SNTG2: variants seen among roughly 807,000 people sequenced by gnomAD.
SNTG2 encodes syntrophin gamma 2, also known as gamma-2-syntrophin.
In SNTG2, 74 loss-of-function variants were observed where a neutral mutation model predicts 70.9. That is an observed-to-expected ratio of 1.04 (90% CI 0.86 to 1.27). SNTG2 has a LOEUF of 1.27. Ranked by LOEUF, SNTG2 falls within the 50% of genes most tolerant of loss-of-function variation. SNTG2 has a pLI of 0.00. For missense variants in SNTG2, 717 were observed against 690.7 expected (o/e 1.04, Z -0.43); for synonymous variants, 278 against 273.8 (o/e 1.02, Z -0.15).
chr2:1,301,649 C>CATCA (rs1680459397), intron 14 of SNTG2, among the ~76,000 whole-genome samples: 2 of 152,320 alleles, frequency 1.3e-5, no homozygotes, highest in Admixed American at 1.3e-4. Flanking sequence ...GTGGCGTTCT[C>CATCA]ATCAGACACT....
intron 16 of SNTG2, among the ~76,000 whole-genome samples, chr2:1,334,667 T>C (rs1164918167): frequency 6.6e-6 from 1 of 152,196 alleles, no homozygotes; most frequent in Admixed American, 6.5e-5. Flanking sequence ...TGGAAGCCAT[T>C]ATTCTAAGTG....
intron 11 of SNTG2, among the ~76,000 whole-genome samples, chr2:1,241,376 C>T (rs144822814): frequency 9.8e-5 from 15 of 152,290 alleles, no homozygotes; most frequent in Non-Finnish European, 1.9e-4. Context: ...TTGGCCTTTA[C>T]GTGTTTCAGA....
intron 8 of SNTG2, 107 bp downstream of exon 8, chr2:1,173,290 AT>A: frequency 9.4e-7 from 1 of 1,061,944 alleles, no homozygotes; most frequent in Admixed American, 2.1e-5. Flanking sequence ...AGTGAAGATA[AT>A]TGTGTTAGTT....
chr2:971,599 G>A (rs1433200475), intron 1 of SNTG2, among the ~76,000 whole-genome samples: 1 of 151,438 alleles, frequency 6.6e-6, no homozygotes, highest in Non-Finnish European at 1.5e-5. Context: ...TTTTTAAAGA[G>A]CAAATTTGTG....
chr2:1,090,948 C>T (rs966890012), intron 2 of SNTG2, among the ~76,000 whole-genome samples: 4 of 152,200 alleles, frequency 2.6e-5, no homozygotes, highest in Non-Finnish European at 5.9e-5. Context: ...TACCGGGAGA[C>T]TGCCTTTTCC....
chr2:1,155,652 C>G (rs1270591158), intron 6 of SNTG2, among the ~76,000 whole-genome samples: 1 of 152,182 alleles, frequency 6.6e-6, no homozygotes, highest in Non-Finnish European at 1.5e-5. Flanking sequence ...AGACGGCCAC[C>G]TGCAAGTGCC....
intron 8 of SNTG2, among the ~76,000 whole-genome samples, chr2:1,186,070 A>G (rs762010002): frequency 2.0e-4 from 30 of 152,280 alleles, no homozygotes; most frequent in Non-Finnish European, 2.9e-4. Flanking sequence ...TGCTGCTCAG[A>G]AATTTCTTCC....
At chr2:1,056,345 G>A (rs185286724) in intron 1 of SNTG2, among the ~76,000 whole-genome samples, 1 of 64,624 alleles carries the variant, frequency 1.5e-5, no homozygotes. Context: ...GGAGGGAGAG[G>A]GCGGCGCCCC....
chr2:1,061,709 G>T (rs189201491), intron 1 of SNTG2, among the ~76,000 whole-genome samples: 22 of 152,122 alleles, frequency 1.4e-4, no homozygotes, highest in Non-Finnish European at 3.1e-4. Context: ...TCCAAGCCAG[G>T]CATCTCATGT....
chr2:1,272,266 G>A (rs1412083976), intron 14 of SNTG2, among the ~76,000 whole-genome samples: 1 of 151,684 alleles, frequency 6.6e-6, no homozygotes. Context: ...GACAGTGAAA[G>A]ATCCTCAGGC....
chr2:1,185,550 C>T (rs1016606855), intron 8 of SNTG2, among the ~76,000 whole-genome samples: 1 of 152,256 alleles, frequency 6.6e-6, no homozygotes, highest in African/African-American at 2.4e-5. Context: ...AACCTTGACT[C>T]TTGCCCTCTG....
rs570398477 is a variant in SNTG2 at position 1,348,118 on chromosome 2, T to C, written c.1489-19225T>C. Among the ~76,000 whole-genome samples the C allele has an allele frequency of 2.0e-5, 3 of 152,312 alleles. No individual in the cohort carries two copies. In the South Asian group the frequency reaches 6.2e-4, roughly 32 times the overall value. ...ATTAATTTAGCCTCAGATTCTTCCT[T>C]TAGGTTGACATTCCTATGGCAACAG... On this transcript the variant is annotated intron_variant, in intron 16 of 16. Coordinates refer to ENST00000308624, the MANE Select transcript of SNTG2 (RefSeq NM_018968.4).
At chr2:1,281,210 T>TGTATTGTGTG in intron 14 of SNTG2, among the ~76,000 whole-genome samples, 1 of 146,650 alleles carries the variant, frequency 6.8e-6, no homozygotes, top group Non-Finnish European at 1.5e-5. Flanking sequence ...TGGTGTGTGG[T>TGTATTGTGTG]GTGTGTGTGT....
intron 6 of SNTG2, among the ~76,000 whole-genome samples, chr2:1,157,813 C>T (rs773888897): frequency 6.6e-6 from 1 of 152,108 alleles, no homozygotes; most frequent in Non-Finnish European, 1.5e-5. Flanking sequence ...TCAGCCTGCC[C>T]CGCGGGTGAT....
At position 1,233,141 on chromosome 2, in the gene SNTG2, G is replaced by A. The variant is rs542628374; in HGVS notation, c.720-4747G>A. ...AAACTGGACAGCTTATTAAAAAGGC[G>A]ATTTACACATTTTGACTTTCTCCGG... On this transcript the variant is annotated intron_variant, in intron 9 of 16. Coordinates refer to ENST00000308624, the MANE Select transcript of SNTG2 (RefSeq NM_018968.4). Among the ~76,000 whole-genome samples the A allele has an allele frequency of 3.9e-4, 60 of 152,300 alleles. No individual in the cohort carries two copies. The South Asian group carries it at 0.012, about 32-fold the overall frequency.
intron 4 of SNTG2, among the ~76,000 whole-genome samples, chr2:1,110,811 T>C (rs1017927888): frequency 2.6e-5 from 4 of 152,240 alleles, no homozygotes; most frequent in African/African-American, 9.6e-5. Flanking sequence ...TGCACTAATA[T>C]ATAAGTCAGA....
At chr2:1,066,588 T>C (rs1663168314) in intron 1 of SNTG2, among the ~76,000 whole-genome samples, 1 of 152,120 alleles carries the variant, frequency 6.6e-6, no homozygotes, top group African/African-American at 2.4e-5. Flanking sequence ...TTGGAGCTTC[T>C]TGATCCAGCC....
At chr2:1,233,064 A>G (rs1362403058) in intron 9 of SNTG2, among the ~76,000 whole-genome samples, 4 of 152,250 alleles carry the variant, frequency 2.6e-5, no homozygotes, top group African/African-American at 9.6e-5. Flanking sequence ...TCATTTATGG[A>G]TGAAAGCTTC....
intron 1 of SNTG2, among the ~76,000 whole-genome samples, chr2:951,990 T>C (rs1004095553): frequency 6.3e-4 from 96 of 152,210 alleles, no homozygotes; most frequent in African/African-American, 2.3e-3. Context: ...CAAATTCCTA[T>C]CGTCATAATA....
Sources: gnomAD v4.1 joint callset for allele counts (sites outside exome capture counted in the v4.1 genomes callset) on GRCh38, gnomAD v4.1.1 for gene constraint, MANE v1.5 for transcripts, NCBI Gene and HGNC (gene_info 2026-07-23, HGNC 2026-07-21) for gene names.